The following PDE11A variants were observed in gnomAD, a reference collection of about 807,000 sequenced individuals.
The protein encoded by PDE11A is dual 3',5'-cyclic-AMP and -GMP phosphodiesterase 11A.
A neutral mutation model predicts 100.5 loss-of-function variants in PDE11A; 100 were observed. The observed-to-expected ratio is 1.00, with a 90% CI of 0.85 to 1.18. The LOEUF is 1.18. Ranked by LOEUF, PDE11A falls within the 50% of genes most tolerant of loss-of-function variation. The pLI is 0.00. For missense variants in PDE11A, 1,141 were observed against 1,152.6 expected (o/e 0.99, Z 0.15); for synonymous variants, 381 against 420.8 (o/e 0.91, Z 1.16).
intron 9 of PDE11A, among the ~76,000 whole-genome samples, chr2:177,794,622 C>CA (rs1395991250): frequency 1.7e-4 from 26 of 152,260 alleles, no homozygotes; most frequent in Non-Finnish European, 2.4e-4. Flanking sequence ...CTGTCAGCCC[C>CA]ACAGACCCAC....
intron 2 of PDE11A, among the ~76,000 whole-genome samples, chr2:177,945,433 G>T (rs1302764106): frequency 1.4e-5 from 2 of 140,278 alleles, no homozygotes; most frequent in African/African-American, 5.2e-5. Flanking sequence ...CTGCCCGGCC[G>T]CCCATCGTCT....
At chr2:177,787,930 A>T (rs2082563804) in intron 9 of PDE11A, among the ~76,000 whole-genome samples, 1 of 152,136 alleles carries the variant, frequency 6.6e-6, no homozygotes, top group Non-Finnish European at 1.5e-5. Context: ...CTTCCACACA[A>T]TAATAATGGG....
intron 2 of PDE11A, among the ~76,000 whole-genome samples, chr2:177,932,987 T>C (rs2085226399): frequency 6.6e-6 from 1 of 152,102 alleles, no homozygotes; most frequent in African/African-American, 2.4e-5. Context: ...AAAATTAATG[T>C]ACAAAAATCA....
intron 1 of PDE11A, among the ~76,000 whole-genome samples, chr2:178,068,057 T>C (rs1295450427): frequency 6.6e-6 from 1 of 152,200 alleles, no homozygotes; most frequent in African/African-American, 2.4e-5. Flanking sequence ...TGCTATATTC[T>C]GAATGCTTAG....
At chr2:177,638,545 A>T (rs1240178406) in intron 19 of PDE11A, among the ~76,000 whole-genome samples, 1 of 152,206 alleles carries the variant, frequency 6.6e-6, no homozygotes, top group Non-Finnish European at 1.5e-5. Context: ...TGCATGCTTG[A>T]TAATTCTTGA....
chr2:177,842,378 T>C (rs529112560), intron 5 of PDE11A, among the ~76,000 whole-genome samples: 1 of 152,128 alleles, frequency 6.6e-6, no homozygotes, highest in East Asian at 1.9e-4. Context: ...ATTGGAGGAG[T>C]TAGAAGGAAA....
intron 2 of PDE11A, among the ~76,000 whole-genome samples, chr2:178,091,711 T>TTAG (rs1200168809): frequency 6.6e-6 from 1 of 152,146 alleles, no homozygotes; most frequent in Admixed American, 6.5e-5. Flanking sequence ...AAAGCCACTG[T>TTAG]TCCCTTCCAC....
At chr2:177,834,663 T>C (rs934806) in intron 6 of PDE11A, among the ~76,000 whole-genome samples, 147,501 of 152,198 alleles carry the variant, frequency 0.97, 71,632 homozygotes, top group Middle Eastern at 1. Context: ...TCAGTGGGAG[T>C]CCCAGGAAGG....
intron 2 of PDE11A, among the ~76,000 whole-genome samples, chr2:177,992,470 C>T (rs1441506467): frequency 7.0e-6 from 1 of 143,594 alleles, no homozygotes; most frequent in Non-Finnish European, 1.5e-5. Flanking sequence ...ATATTTCTAC[C>T]ATTCATGCTA....
rs1282759717 is a variant in PDE11A at position 177,628,782 on chromosome 2, T to C, written c.*625A>G. 2 of 152,846 alleles carry C rather than the reference T, an allele frequency of 1.3e-5. No homozygotes were observed. Among genetic ancestry groups the C allele is most frequent in the East Asian group, 3.8e-4 (2 of 5,208 alleles). 9.5% of individuals were successfully genotyped at this position (152,846 alleles called of 1,614,324 possible). On this transcript the variant is annotated 3_prime_UTR_variant, in exon 20 of 20. Coordinates refer to ENST00000286063, the MANE Select transcript of PDE11A (RefSeq NM_016953.4). ...AGTCTAGAATTACCCATCAAACACA[T>C]TTGCTATAGTCCTACTATGTATTCA... is the stretch of plus-strand genomic sequence containing the variant.
intron 2 of PDE11A, among the ~76,000 whole-genome samples, chr2:177,953,864 A>G (rs1289888005): frequency 6.6e-6 from 1 of 152,154 alleles, no homozygotes; most frequent in Non-Finnish European, 1.5e-5. Context: ...TCCTTTAGAA[A>G]AGGATAGTTC....
chr2:177,889,389 G>A (rs922597753), intron 4 of PDE11A, among the ~76,000 whole-genome samples: 1 of 152,020 alleles, frequency 6.6e-6, no homozygotes, highest in Non-Finnish European at 1.5e-5. Context: ...CTAAGCAGTC[G>A]GTATCAGTTT....
intron 19 of PDE11A, among the ~76,000 whole-genome samples, chr2:177,655,882 A>C (rs1004724493): frequency 4.6e-5 from 7 of 152,230 alleles, no homozygotes; most frequent in African/African-American, 1.7e-4. Context: ...CATTTCTTGA[A>C]ATCTATCTGT....
chr2:177,701,369 G>A (rs574235384), intron 13 of PDE11A, 158 bp from the exon 14 acceptor site: 17 of 653,300 alleles, frequency 2.6e-5, no homozygotes, highest in Admixed American at 7.0e-5. Flanking sequence ...GAAATAAATC[G>A]TTCAGGAACT....
intron 1 of PDE11A, among the ~76,000 whole-genome samples, chr2:178,061,553 C>T (rs115939425): frequency 1.3e-3 from 191 of 152,146 alleles, no homozygotes; most frequent in African/African-American, 4.5e-3. Flanking sequence ...TGCCAGATCC[C>T]GTGGTAGGTA....
In PDE11A at chr2:177,650,837, TATGC is replaced by T. The variant is rs370525195; in HGVS notation, c.2646+13025_2646+13028del. On this transcript the variant is annotated intron_variant, in intron 19 of 19. Transcript: ENST00000286063. ...TCCCCTCCTACAGATGGTCTGCAGGTATGCACCTAGTTAATTATTCTAGTATAAA... is the reference window on the plus strand; with the variant it reads ...TCCCCTCCTACAGATGGTCTGCAGGTACCTAGTTAATTATTCTAGTATAAA... Among the ~76,000 whole-genome samples, 80 of 152,266 alleles carry T rather than the reference TATGC, an allele frequency of 5.3e-4. No homozygotes were observed. In the East Asian group the frequency reaches 0.013, roughly 25 times the overall value.
chr2:178,070,133 GA>G (rs1412578345), intron 1 of PDE11A, among the ~76,000 whole-genome samples: 1 of 152,078 alleles, frequency 6.6e-6, no homozygotes, highest in African/African-American at 2.4e-5. Flanking sequence ...AGCTTTCTAG[GA>G]TTGTAGAGGA....
rs192301135 is a variant in PDE11A at position 177,979,161 on chromosome 2, T to G, written c.1071+35141A>C. Among the ~76,000 whole-genome samples the G allele has an allele frequency of 8.6e-3, 1,297 of 150,468 alleles. 23 individuals carry two copies. The highest frequency in any genetic ancestry group is 0.029 in the African/African-American group (1,201 of 41,398). On this transcript the variant is annotated intron_variant, in intron 2 of 19. Coordinates refer to ENST00000286063, the MANE Select transcript of PDE11A (RefSeq NM_016953.4). ...AAAGCTTCCCCCTTTCCCCAACCCC[T>G]TTGGATGTGTCTATGGTTCACCATA...
At chr2:177,766,470 T>A (rs1231463711) in intron 10 of PDE11A, among the ~76,000 whole-genome samples, 1 of 152,196 alleles carries the variant, frequency 6.6e-6, no homozygotes, top group African/African-American at 2.4e-5. Flanking sequence ...TTAAAAAAAC[T>A]TTTTTACAAT....
Sources: allele counts gnomAD v4.1 joint callset (sites outside exome capture counted in the v4.1 genomes callset), GRCh38; gene constraint gnomAD v4.1.1; transcripts MANE v1.5; gene names NCBI Gene and HGNC (gene_info 2026-07-23, HGNC 2026-07-21).